The following NALF1 variants were observed in gnomAD, a reference collection of about 807,000 sequenced individuals.
NALF1 encodes NALCN channel auxiliary factor 1.
NALF1 carries 3 observed loss-of-function variants against 48.4 expected under a neutral mutation model. The observed-to-expected ratio is 0.06, with a 90% confidence interval of 0.03 to 0.16. NALF1 has a LOEUF of 0.16. Ranked by LOEUF, NALF1 falls within the 10% of genes least tolerant of loss-of-function variation. The pLI is 1.00. For synonymous variants in NALF1, 262 were observed against 245.7 expected, an observed-to-expected ratio of 1.07 and a Z score of -0.62; for missense variants, 526 against 571.5, an observed-to-expected ratio of 0.92 and a Z score of 0.81.
chr13:107,699,859 A>T (rs1881779942), intron 1 of NALF1, among the ~76,000 whole-genome samples: 1 of 152,280 alleles, frequency 6.6e-6, no homozygotes, highest in African/African-American at 2.4e-5. Flanking sequence ...AAAAATCAGT[A>T]GCATTTCTAC....
chr13:107,350,837 T>G (rs1882859871), intron 1 of NALF1, among the ~76,000 whole-genome samples: 1 of 152,070 alleles, frequency 6.6e-6, no homozygotes, highest in African/African-American at 2.4e-5. Flanking sequence ...GGGTCTTGGG[T>G]AGAGACACCA....
chr13:107,664,663 C>T (rs1035212585), intron 1 of NALF1, among the ~76,000 whole-genome samples: 17 of 152,198 alleles, frequency 1.1e-4, no homozygotes, highest in Non-Finnish European at 2.2e-4. Context: ...TACTTTTACA[C>T]AAATACAAAC....
intron 1 of NALF1, among the ~76,000 whole-genome samples, chr13:107,565,985 G>A (rs959776767): frequency 4.6e-5 from 7 of 152,156 alleles, no homozygotes; most frequent in South Asian, 4.1e-4. Flanking sequence ...TGGCTAGAAC[G>A]TAGATTTTCA....
chr13:107,426,818 A>G (rs2139013290), intron 1 of NALF1, among the ~76,000 whole-genome samples: 1 of 152,256 alleles, frequency 6.6e-6, no homozygotes, highest in Non-Finnish European at 1.5e-5. Flanking sequence ...ATAGTAGCAT[A>G]CTGCTTGGAA....
At chr13:107,230,922 T>C (rs565035185) in intron 1 of NALF1, among the ~76,000 whole-genome samples, 4 of 151,936 alleles carry the variant, frequency 2.6e-5, no homozygotes, top group African/African-American at 9.7e-5. Flanking sequence ...TAGCCAGACA[T>C]TGGGGTGTAT....
At chr13:107,643,155 T>C (rs1420352535) in intron 1 of NALF1, among the ~76,000 whole-genome samples, 1 of 152,180 alleles carries the variant, frequency 6.6e-6, no homozygotes, top group Non-Finnish European at 1.5e-5. Flanking sequence ...CCATGGGTTA[T>C]GGTCTTCACT....
At chr13:107,808,527 A>G (rs1013910720) in intron 1 of NALF1, among the ~76,000 whole-genome samples, 2 of 152,098 alleles carry the variant, frequency 1.3e-5, no homozygotes, top group Non-Finnish European at 2.9e-5. Flanking sequence ...TGCTATGCAC[A>G]TCAACTATGA....
At chr13:107,446,547 T>C (rs1884654617) in intron 1 of NALF1, among the ~76,000 whole-genome samples, 1 of 152,200 alleles carries the variant, frequency 6.6e-6, no homozygotes, top group South Asian at 2.1e-4. Flanking sequence ...CACATTATTA[T>C]ATTTCATGGC....
At position 107,755,359 on chromosome 13, in the gene NALF1, T is replaced by A. The variant is rs1178946930; in HGVS notation, c.915+110323A>T. On this transcript the variant is annotated intron_variant, in intron 1 of 2. Transcript: ENST00000375915. ...CTTCTTCAGGCCTCTTAATTTTTGGTGTCCTTACCTTTGCTCACACAGCTT... is the reference window on the plus strand; with the variant it reads ...CTTCTTCAGGCCTCTTAATTTTTGGAGTCCTTACCTTTGCTCACACAGCTT... Among the ~76,000 whole-genome samples the A allele has an allele frequency of 2.6e-5, 4 of 152,226 alleles. No individual in the cohort carries two copies. In the East Asian group the frequency reaches 7.7e-4, roughly 29 times the overall value.
rs143667629 is a variant in NALF1 at position 107,858,059 on chromosome 13, C to G, written c.915+7623G>C. On this transcript the variant is annotated intron_variant, in intron 1 of 2. Coordinates refer to ENST00000375915, the MANE Select transcript of NALF1 (RefSeq NM_001080396.3). ...CTCTACTCAGCTCTAAACGTGAAAT[C>G]AGAAACCTTCGTGTTCTTCTGATCT... Among the ~76,000 whole-genome samples the G allele has an allele frequency of 1.3e-3, 202 of 152,310 alleles. 5 individuals are homozygous for G. In the East Asian group the frequency reaches 0.035, roughly 26 times the overall value.
chr13:107,760,830 TATAAC>T lies in NALF1; in HGVS notation c.915+104847_915+104851del, dbSNP rs369225102. Among the ~76,000 whole-genome samples, 94 of 152,300 alleles carry T rather than the reference TATAAC, an allele frequency of 6.2e-4. 1 individual carries two copies. In the East Asian group the frequency reaches 0.017, roughly 28 times the overall value. ...TATACCCCATTTCCTTGGCAGCCATTATAACATGTCTTTGACCTAATTTTTTGCAG... is the reference window on the plus strand; with the variant it reads ...TATACCCCATTTCCTTGGCAGCCATTATGTCTTTGACCTAATTTTTTGCAG... On this transcript the variant is annotated intron_variant, in intron 1 of 2. Coordinates refer to ENST00000375915, the MANE Select transcript of NALF1 (RefSeq NM_001080396.3).
chr13:107,722,596 G>T (rs529511534), intron 1 of NALF1, among the ~76,000 whole-genome samples: 34 of 152,166 alleles, frequency 2.2e-4, no homozygotes, highest in African/African-American at 7.5e-4. Context: ...ACACTACCAC[G>T]CTCCTTCTGA....
Position 107,188,427 on chromosome 13 carries a change from GA to G in NALF1, c.1088-17642del, listed in dbSNP as rs976067851. Among the ~76,000 whole-genome samples the G allele has an allele frequency of 3.9e-4, 58 of 150,240 alleles. No individual in the cohort carries two copies. The East Asian group carries it at 8.7e-3, about 23-fold the overall frequency. On this transcript the variant is annotated intron_variant, in intron 2 of 2. Transcript: ENST00000375915. ...AAGAGAGGCCAATCTAAGAAACCTA[GA>G]AAAAAAAAGTTCAAATTATAGTGAC...
At chr13:107,547,209 T>C (rs1315695617) in intron 1 of NALF1, among the ~76,000 whole-genome samples, 2 of 152,180 alleles carry the variant, frequency 1.3e-5, no homozygotes, top group African/African-American at 4.8e-5. Context: ...GCCTCATATG[T>C]ATAATAACAT....
chr13:107,827,961 C>A (rs780452713), intron 1 of NALF1, among the ~76,000 whole-genome samples: 5 of 152,116 alleles, frequency 3.3e-5, no homozygotes, highest in Admixed American at 6.6e-5. Context: ...TTTATTTGTA[C>A]AAAACTGCAG....
At chr13:107,350,730 T>C (rs1882858305) in intron 1 of NALF1, among the ~76,000 whole-genome samples, 1 of 152,238 alleles carries the variant, frequency 6.6e-6, no homozygotes, top group South Asian at 2.1e-4. Context: ...TGTGGATTTT[T>C]AGGCTATTGC....
At chr13:107,230,321 C>T (rs1052333131) in intron 1 of NALF1, among the ~76,000 whole-genome samples, 1 of 151,884 alleles carries the variant, frequency 6.6e-6, no homozygotes, top group Non-Finnish European at 1.5e-5. Context: ...AGGTAGGGCA[C>T]CTTTATTTTT....
intron 1 of NALF1, among the ~76,000 whole-genome samples, chr13:107,662,204 C>T (rs758096324): frequency 6.6e-6 from 1 of 152,160 alleles, no homozygotes; most frequent in African/African-American, 2.4e-5. Flanking sequence ...TGTCCCCTGG[C>T]CTGGACATCA....
At chr13:107,193,801 G>C (rs921583158) in intron 2 of NALF1, among the ~76,000 whole-genome samples, 1 of 152,138 alleles carries the variant, frequency 6.6e-6, no homozygotes, top group African/African-American at 2.4e-5. Context: ...AAACAGAGAA[G>C]TTAAGACCTG....
Sources: allele counts gnomAD v4.1 joint callset (sites outside exome capture counted in the v4.1 genomes callset), GRCh38; gene constraint gnomAD v4.1.1; transcripts MANE v1.5; gene names NCBI Gene and HGNC (gene_info 2026-07-23, HGNC 2026-07-21).